ZBTB20: variants seen among roughly 807,000 people sequenced by gnomAD.
The protein encoded by ZBTB20 is zinc finger and BTB domain containing 20.
A neutral mutation model predicts 56.9 loss-of-function variants in ZBTB20; 9 were observed. The ratio of observed to expected loss-of-function variants is 0.16; its 90% confidence interval spans 0.10 to 0.28. ZBTB20 has a LOEUF of 0.28. ZBTB20 is among the 10% of genes least tolerant of loss of function. ZBTB20 has a pLI of 1.00. For missense variants in ZBTB20, 655 were observed against 1,003.0 expected (o/e 0.65, Z 4.69); for synonymous variants, 417 against 420.7 (o/e 0.99, Z 0.11).
chr3:114,626,247 T>A (rs75063490), intron 6 of ZBTB20, among the ~76,000 whole-genome samples: 6 of 152,312 alleles, frequency 3.9e-5, no homozygotes, highest in Non-Finnish European at 5.9e-5. Context: ...GGGTATTAAG[T>A]CATCTGAACA....
At chr3:114,852,817 A>G (rs2075067482) in intron 4 of ZBTB20, among the ~76,000 whole-genome samples, 1 of 152,160 alleles carries the variant, frequency 6.6e-6, no homozygotes, top group Non-Finnish European at 1.5e-5. Context: ...TGCAGGAAAG[A>G]GGCTGGCACA....
At chr3:114,755,649 C>T (rs1052438639) in intron 5 of ZBTB20, among the ~76,000 whole-genome samples, 1 of 151,922 alleles carries the variant, frequency 6.6e-6, no homozygotes, top group Non-Finnish European at 1.5e-5. Flanking sequence ...AACATTACTG[C>T]GTTAATGGTG....
chr3:114,760,730 TGTTTCA>T (rs2068373694), intron 5 of ZBTB20, among the ~76,000 whole-genome samples: 1 of 152,228 alleles, frequency 6.6e-6, no homozygotes, highest in Non-Finnish European at 1.5e-5. Context: ...TCACTTTGTG[TGTTTCA>T]GTTCTCTGAG....
At chr3:114,547,433 G>A (rs1489394268) in intron 6 of ZBTB20, among the ~76,000 whole-genome samples, 1 of 152,190 alleles carries the variant, frequency 6.6e-6, no homozygotes, top group African/African-American at 2.4e-5. Context: ...TACTGGGTGA[G>A]AACTGGCAGA....
intron 2 of ZBTB20, among the ~76,000 whole-genome samples, chr3:115,033,377 C>T (rs974196488): frequency 2.0e-5 from 3 of 151,498 alleles, no homozygotes; most frequent in African/African-American, 7.3e-5. Flanking sequence ...ATTCAAAAAT[C>T]TCCCAATAAA....
chr3:114,922,176 T>TTGAGAAGGA (rs2075985874), intron 3 of ZBTB20, among the ~76,000 whole-genome samples: 6 of 152,292 alleles, frequency 3.9e-5, no homozygotes, highest in Admixed American at 1.3e-4. Context: ...AGAAGGAACG[T>TTGAGAAGGA]ACCTCAACAT....
intron 6 of ZBTB20, among the ~76,000 whole-genome samples, chr3:114,655,201 C>CTTTT (rs1261905012): frequency 7.7e-6 from 1 of 130,352 alleles, no homozygotes; most frequent in Non-Finnish European, 1.7e-5. Context: ...TGATTTTTTT[C>CTTTT]TTTTGGGTTT....
chr3:114,836,743 C>T (rs1579085847), intron 4 of ZBTB20, among the ~76,000 whole-genome samples: 1 of 152,298 alleles, frequency 6.6e-6, no homozygotes, highest in African/African-American at 2.4e-5. Flanking sequence ...ACAAAAATCA[C>T]AATTATCTCT....
At chr3:114,550,655 G>A (rs1221109184) in intron 6 of ZBTB20, among the ~76,000 whole-genome samples, 2 of 152,018 alleles carry the variant, frequency 1.3e-5, no homozygotes. Flanking sequence ...CTTATTTTCT[G>A]GTTCCATTCT....
Position 114,339,247 on chromosome 3 carries a change from A to G in ZBTB20, c.1984T>C (p.Tyr662His), listed in dbSNP as rs1576220220. 1.9e-6 allele frequency: 3 copies of G among 1,614,206 alleles called. No homozygotes were observed. The East Asian group carries it at 6.7e-5, about 36-fold the overall frequency. ...TTCTTTTTGCAGATGTAGCACTCGT[A>G]GGACTTCTCTCCCCGGTGGAGGCGC... The part of the protein sequence containing the change: ...HMRLHRGEKS[Y>H]ECYICKKKFS... The change falls in exon 12 of 12, where the codon TAC (tyrosine) becomes CAC (histidine). Residue 662 changes from tyrosine (Y) to histidine (H), a missense_variant. By Grantham distance (83) the Tyr-to-His change is moderately conservative (BLOSUM62 2). Transcript: ENST00000675478. The surrounding 1 kb of genome is among the most constrained non-coding windows in gnomAD (Gnocchi z 4.2).
intron 4 of ZBTB20, among the ~76,000 whole-genome samples, chr3:114,853,190 T>C (rs561894847): frequency 2.6e-5 from 4 of 152,316 alleles, no homozygotes; most frequent in Non-Finnish European, 5.9e-5. Context: ...TTATCATCTG[T>C]TGTAGAACAA....
rs1010909760 is a variant in ZBTB20 at position 114,332,650 on chromosome 3, C to T, written c.*6355G>A. 1.3e-5 allele frequency: 2 copies of T among 152,190 alleles called. No individual in the cohort carries two copies. Among genetic ancestry groups the T allele is most frequent in the Non-Finnish European group, 2.9e-5 (2 of 68,038 alleles). 9.4% of individuals were successfully genotyped at this position (152,190 alleles called of 1,614,324 possible). On this transcript the variant is annotated 3_prime_UTR_variant, in exon 12 of 12. Coordinates refer to ENST00000675478, the MANE Select transcript of ZBTB20 (RefSeq NM_001348800.3). ...GTAACTATTAAACAGCAAGAAATGC[C>T]TATAACTTCAGAGCCTTCTCATTTC...
intron 7 of ZBTB20, among the ~76,000 whole-genome samples, chr3:114,491,701 C>T (rs1308587037): frequency 1.3e-5 from 2 of 152,114 alleles, no homozygotes; most frequent in Non-Finnish European, 2.9e-5. Flanking sequence ...GGTATTCTTC[C>T]CATGAAAATA....
At chr3:114,670,357 A>C (rs1298879224) in intron 6 of ZBTB20, among the ~76,000 whole-genome samples, 1 of 152,118 alleles carries the variant, frequency 6.6e-6, no homozygotes, top group Non-Finnish European at 1.5e-5. Context: ...GAGGTGGAAT[A>C]ACTGGATTAG....
intron 4 of ZBTB20, among the ~76,000 whole-genome samples, chr3:114,885,207 C>A (rs2948671): frequency 6.6e-6 from 1 of 152,096 alleles, no homozygotes; most frequent in South Asian, 2.1e-4. Flanking sequence ...TCCTCCCTTG[C>A]CACAGCTACT....
chr3:115,006,790 T>A (rs1413580516), intron 2 of ZBTB20, among the ~76,000 whole-genome samples: 1 of 151,812 alleles, frequency 6.6e-6, no homozygotes, highest in East Asian at 1.9e-4. Flanking sequence ...TAATTCTTAG[T>A]GTTTTAATAG....
intron 6 of ZBTB20, among the ~76,000 whole-genome samples, chr3:114,621,739 G>A (rs1189881951): frequency 6.6e-6 from 1 of 152,118 alleles, no homozygotes; most frequent in Non-Finnish European, 1.5e-5. Flanking sequence ...AATGAAATTA[G>A]AATTTCCAGG....
chr3:114,786,177 T>C (rs2070472092), intron 5 of ZBTB20, among the ~76,000 whole-genome samples: 1 of 152,088 alleles, frequency 6.6e-6, no homozygotes, highest in African/African-American at 2.4e-5. Flanking sequence ...AGTTCTGGGA[T>C]ACATGTGCAG....
At chr3:114,920,872 C>T (rs963487993) in intron 3 of ZBTB20, among the ~76,000 whole-genome samples, 20 of 152,012 alleles carry the variant, frequency 1.3e-4, no homozygotes, top group Admixed American at 1.0e-3. Context: ...AGAAAGAAGA[C>T]TCGAATTTAA....
Sources: gnomAD v4.1 joint callset for allele counts (sites outside exome capture counted in the v4.1 genomes callset) on GRCh38, gnomAD v4.1.1 for gene constraint, Gnocchi (gnomAD v3.1) non-coding constraint, MANE v1.5 for transcripts, NCBI Gene and HGNC (gene_info 2026-07-23, HGNC 2026-07-21) for gene names.